DOK5: variants seen among roughly 807,000 people sequenced by gnomAD.
DOK5 encodes the protein docking protein 5.
DOK5 carries 27 observed loss-of-function variants against 43.3 expected under a neutral mutation model. The ratio of observed to expected loss-of-function variants is 0.62; its 90% CI spans 0.46 to 0.86. DOK5 has a LOEUF of 0.86. Ranked by LOEUF, DOK5 falls within the 40% of genes least tolerant of loss-of-function variation. The probability of loss-of-function intolerance (pLI) is 0.00; values close to 1 mark genes in which losing one functional copy is unlikely to be tolerated. For missense variants in DOK5, 373 were observed against 392.9 expected (o/e 0.95, Z 0.43); for synonymous variants, 146 against 140.1 (o/e 1.04, Z -0.30).
At chr20:54,573,369 G>T (rs1164715340) in intron 2 of DOK5, among the ~76,000 whole-genome samples, 1 of 152,140 alleles carries the variant, frequency 6.6e-6, no homozygotes, top group Admixed American at 6.5e-5. Context: ...GGGCTTTAAA[G>T]ATAAAATAAA....
chr20:54,498,986 T>C lies in DOK5; in HGVS notation c.66+22974T>C, dbSNP rs565233832. Reference sequence around the variant, plus strand: ...TGGGACACTGACTAATAGCTGGTTCTGTACAGCACTATATGCTTGTACAGG... The same window carrying C: ...TGGGACACTGACTAATAGCTGGTTCCGTACAGCACTATATGCTTGTACAGG... On this transcript the variant is annotated intron_variant, in intron 1 of 7. Transcript: ENST00000262593. 2.6e-5 allele frequency among the ~76,000 whole-genome samples: 4 copies of C among 152,358 alleles called. No homozygotes were observed. The South Asian group carries it at 6.2e-4, about 24-fold the overall frequency.
At chr20:54,555,149 T>C (rs145773143) in intron 2 of DOK5, 109 bp downstream of exon 2, 30 of 715,226 alleles carry the variant, frequency 4.2e-5, no homozygotes, top group Non-Finnish European at 6.9e-5. Flanking sequence ...AGCAATATCT[T>C]TTCCAAGGAC....
intron 6 of DOK5, among the ~76,000 whole-genome samples, chr20:54,615,403 T>A (rs1012057017): frequency 6.6e-6 from 1 of 152,132 alleles, no homozygotes; most frequent in Non-Finnish European, 1.5e-5. Flanking sequence ...GGCGACAGTA[T>A]CCTGGTCTAT....
At chr20:54,531,004 G>A (rs1387025132) in intron 1 of DOK5, among the ~76,000 whole-genome samples, 2 of 152,136 alleles carry the variant, frequency 1.3e-5, no homozygotes, top group Admixed American at 1.3e-4. Context: ...ACACTCCTAT[G>A]TGTTATGAAG....
chr20:54,584,586 TC>T (rs1162350674), intron 2 of DOK5, among the ~76,000 whole-genome samples: 1 of 151,168 alleles, frequency 6.6e-6, no homozygotes, highest in Non-Finnish European at 1.5e-5. Context: ...TATACAATAT[TC>T]GTAACATTAC....
chr20:54,601,651 G>A (rs1326230624), intron 5 of DOK5, among the ~76,000 whole-genome samples: 1 of 152,208 alleles, frequency 6.6e-6, no homozygotes, highest in Non-Finnish European at 1.5e-5. Context: ...GACTCTGGCT[G>A]TTAGGAAACC....
intron 2 of DOK5, among the ~76,000 whole-genome samples, chr20:54,565,987 C>T (rs1397023530): frequency 1.3e-5 from 2 of 148,322 alleles, no homozygotes; most frequent in Non-Finnish European, 3.0e-5. Flanking sequence ...CACTGCACTC[C>T]AGCCTGGTGA....
chr20:54,596,611 C>A (rs1016678620), intron 5 of DOK5, among the ~76,000 whole-genome samples: 3 of 152,164 alleles, frequency 2.0e-5, no homozygotes, highest in African/African-American at 7.2e-5. Context: ...ACTCACCGAG[C>A]TTTTTTTCAT....
intron 1 of DOK5, among the ~76,000 whole-genome samples, chr20:54,482,994 A>T (rs1265557227): frequency 6.6e-6 from 1 of 152,176 alleles, no homozygotes; most frequent in East Asian, 1.9e-4. Flanking sequence ...GGGACGACTC[A>T]GTTATTTTGG....
intron 1 of DOK5, among the ~76,000 whole-genome samples, chr20:54,482,029 A>G (rs1414233792): frequency 6.6e-6 from 1 of 152,230 alleles, no homozygotes; most frequent in Non-Finnish European, 1.5e-5. Flanking sequence ...TCATATCCTC[A>G]AAGAACTTGT....
chr20:54,624,761 T>C (rs763535472), intron 6 of DOK5, among the ~76,000 whole-genome samples: 1 of 152,200 alleles, frequency 6.6e-6, no homozygotes, highest in African/African-American at 2.4e-5. Flanking sequence ...TCCGAATAAA[T>C]TGATGCAAAT....
intron 1 of DOK5, among the ~76,000 whole-genome samples, chr20:54,497,576 T>A (rs1358751246): frequency 6.6e-6 from 1 of 152,238 alleles, no homozygotes; most frequent in Non-Finnish European, 1.5e-5. Context: ...TTACTCCATT[T>A]GCTATATCTT....
At chr20:54,563,924 C>G (rs149877277) in intron 2 of DOK5, among the ~76,000 whole-genome samples, 5 of 152,060 alleles carry the variant, frequency 3.3e-5, no homozygotes, top group African/African-American at 9.6e-5. Context: ...TGAACTAATG[C>G]TAGAAAGAGA....
intron 1 of DOK5, among the ~76,000 whole-genome samples, chr20:54,497,421 T>C (rs569636526): frequency 6.6e-6 from 1 of 152,364 alleles, no homozygotes; most frequent in African/African-American, 2.4e-5. Context: ...CTCTTGTAAT[T>C]GAAGTGTAAA....
intron 1 of DOK5, among the ~76,000 whole-genome samples, chr20:54,542,725 G>T (rs759946828): frequency 6.6e-6 from 1 of 152,110 alleles, no homozygotes; most frequent in Non-Finnish European, 1.5e-5. Context: ...TGCAAAATAG[G>T]TTACAACATA....
chr20:54,566,408 C>T (rs960500875), intron 2 of DOK5, among the ~76,000 whole-genome samples: 2 of 151,872 alleles, frequency 1.3e-5, no homozygotes, highest in African/African-American at 2.4e-5. Flanking sequence ...CATAAGTTGT[C>T]CCCCCTCCTC....
chr20:54,634,602 C>T (rs925953646), intron 6 of DOK5, among the ~76,000 whole-genome samples: 74 of 151,716 alleles, frequency 4.9e-4, no homozygotes, highest in African/African-American at 1.6e-3. Flanking sequence ...CCACCATGCC[C>T]GGCTAATTTT....
intron 5 of DOK5, 60 bp from the exon 6 acceptor site, chr20:54,610,328 T>C: frequency 7.0e-7 from 1 of 1,424,988 alleles, no homozygotes; most frequent in Non-Finnish European, 9.2e-7. Flanking sequence ...GCCAGGATCT[T>C]GGTGCATTGA....
At chr20:54,505,148 TC>T (rs1982757299) in intron 1 of DOK5, among the ~76,000 whole-genome samples, 1 of 152,046 alleles carries the variant, frequency 6.6e-6, no homozygotes, top group Admixed American at 6.6e-5. Flanking sequence ...TCACTTCAAG[TC>T]CCTGCAATGT....
Sources: gnomAD v4.1 joint callset for allele counts (sites outside exome capture counted in the v4.1 genomes callset) on GRCh38, gnomAD v4.1.1 for gene constraint, MANE v1.5 for transcripts, NCBI Gene and HGNC (gene_info 2026-07-23, HGNC 2026-07-21) for gene names.